EPSTI1: variants seen among roughly 807,000 people sequenced by gnomAD.
The protein encoded by EPSTI1 is epithelial-stromal interaction protein 1.
In EPSTI1, 66 loss-of-function variants were observed where a neutral mutation model predicts 49.9. The observed-to-expected ratio is 1.32, with a 90% CI of 1.08 to 1.62. The LOEUF (loss-of-function observed/expected upper bound fraction) is 1.62. Among genes scored for constraint, EPSTI1 ranks in the 40% most tolerant of loss-of-function variants. The probability of loss-of-function intolerance (pLI) is 0.00; values close to 1 mark genes in which losing one functional copy is unlikely to be tolerated. For synonymous variants in EPSTI1, 137 were observed against 130.7 expected, an observed-to-expected ratio of 1.05 and a Z score of -0.33; for missense variants, 394 against 365.5, an observed-to-expected ratio of 1.08 and a Z score of -0.64.
At chr13:42,981,248 G>A (rs2039981975) in intron 1 of EPSTI1, among the ~76,000 whole-genome samples, 1 of 152,036 alleles carries the variant, frequency 6.6e-6, no homozygotes, top group Admixed American at 6.6e-5. Context: ...TTAAGCTTTT[G>A]TTTCAGATTC....
At chr13:42,967,806 G>A (rs967426847) in intron 3 of EPSTI1, among the ~76,000 whole-genome samples, 16 of 152,046 alleles carry the variant, frequency 1.1e-4, no homozygotes, top group Non-Finnish European at 1.9e-4. Context: ...TACGAACCCC[G>A]AACTCTCTTA....
intron 1 of EPSTI1, among the ~76,000 whole-genome samples, chr13:42,991,671 T>A (rs1317473705): frequency 2.6e-5 from 4 of 152,202 alleles, no homozygotes; most frequent in African/African-American, 9.6e-5. Flanking sequence ...GAAAATGACA[T>A]CTTACTGGAT....
rs544479732 is a variant in EPSTI1, at chr13:42,954,474, C to T, written c.490-453G>A. ...GAGAAGAGATTTTCAGTAAGACAAC[C>T]CAACTCCCTTCTGACTTAGTATCAG... On this transcript the variant is annotated intron_variant, in intron 5 of 10. Coordinates refer to ENST00000313624, the MANE Select transcript of EPSTI1 (RefSeq NM_033255.5). Among the ~76,000 whole-genome samples, 14 of 152,146 alleles carry T rather than the reference C, an allele frequency of 9.2e-5. No individual in the cohort carries two copies. In the South Asian group the frequency reaches 2.9e-3, roughly 32 times the overall value.
In EPSTI1 at chr13:42,907,202, T is replaced by C. The variant is rs757868185; in HGVS notation, c.742-6819A>G. On this transcript the variant is annotated intron_variant, in intron 8 of 10. Coordinates refer to ENST00000313624, the MANE Select transcript of EPSTI1 (RefSeq NM_033255.5). Reference sequence around the variant, plus strand: ...GAATCACAGCTCTATGTCTCCCACCTAAAAATATTTCCTACACAAAATGCA... The same window carrying C: ...GAATCACAGCTCTATGTCTCCCACCCAAAAATATTTCCTACACAAAATGCA... Among the ~76,000 whole-genome samples the C allele has an allele frequency of 2.6e-5, 4 of 152,196 alleles. No individual in the cohort carries two copies. The East Asian group carries it at 7.7e-4, about 29-fold the overall frequency.
At position 42,890,319 on chromosome 13, in the gene EPSTI1, A is replaced by G. The variant is rs147464011; in HGVS notation, c.916-1817T>C. 1.3e-3 allele frequency among the ~76,000 whole-genome samples: 110 copies of G among 87,452 alleles called. No homozygotes were observed. The East Asian group carries it at 0.042, about 34-fold the overall frequency. 57.4% of individuals were successfully genotyped at this position (87,452 alleles called of 152,430 possible). A position where few individuals can be genotyped will look rare whatever the true frequency, so the allele number is the denominator to read the frequency against. On this transcript the variant is annotated intron_variant, in intron 10 of 10. Coordinates refer to ENST00000313624, the MANE Select transcript of EPSTI1 (RefSeq NM_033255.5). ...TTCTTTTTTTTTTTTTTTTTTTGAG[A>G]AAGAGTCTCGCTCTGTCACCCAGGC...
At chr13:42,965,583 G>A (rs1257957463) in intron 3 of EPSTI1, among the ~76,000 whole-genome samples, 1 of 152,204 alleles carries the variant, frequency 6.6e-6, no homozygotes, top group African/African-American at 2.4e-5. Flanking sequence ...GAGGAAAGAT[G>A]TCATTCTGAA....
intron 6 of EPSTI1, among the ~76,000 whole-genome samples, chr13:42,945,190 A>G (rs2038882337): frequency 6.6e-6 from 1 of 152,224 alleles, no homozygotes; most frequent in Non-Finnish European, 1.5e-5. Context: ...GCGAAAAGTG[A>G]AGGAGGAGCA....
At chr13:42,905,066 GCTTTC>G (rs1399104381) in intron 8 of EPSTI1, among the ~76,000 whole-genome samples, 4 of 152,106 alleles carry the variant, frequency 2.6e-5, no homozygotes, top group Non-Finnish European at 5.9e-5. Flanking sequence ...GTTTTCTTAT[GCTTTC>G]CTTTATTTAA....
chr13:42,950,466 C>G (rs1364400341), intron 6 of EPSTI1, among the ~76,000 whole-genome samples: 1 of 152,172 alleles, frequency 6.6e-6, no homozygotes, highest in Non-Finnish European at 1.5e-5. Flanking sequence ...TCAATAAAAG[C>G]CTAGTTTTCT....
At chr13:42,899,687 C>T (rs181256489) in intron 9 of EPSTI1, among the ~76,000 whole-genome samples, 7 of 152,258 alleles carry the variant, frequency 4.6e-5, no homozygotes, top group Admixed American at 6.5e-5. Flanking sequence ...GAACTCAACT[C>T]GTGTCCCCCT....
intron 6 of EPSTI1, among the ~76,000 whole-genome samples, chr13:42,939,996 T>C (rs2038698982): frequency 6.6e-6 from 1 of 152,218 alleles, no homozygotes; most frequent in Non-Finnish European, 1.5e-5. Flanking sequence ...TCTTGCCTTC[T>C]CAAATCTATT....
rs76666847 is a variant in EPSTI1 at position 42,977,319 on chromosome 13, C to T, written c.189-6649G>A. 2.1e-3 allele frequency among the ~76,000 whole-genome samples: 318 copies of T among 152,320 alleles called. 2 individuals carry two copies. Among genetic ancestry groups the T allele is most frequent in the African/African-American group, 7.2e-3 (299 of 41,574 alleles). ...CCTACCCAACATTCACTCTCACTTC[C>T]TCCTTGCTAATAGCACTTCTGTATT... On this transcript the variant is annotated intron_variant, in intron 1 of 10. Coordinates refer to ENST00000313624, the MANE Select transcript of EPSTI1 (RefSeq NM_033255.5).
At chr13:42,937,045 G>A (rs183940197) in intron 6 of EPSTI1, among the ~76,000 whole-genome samples, 304 of 135,248 alleles carry the variant, frequency 2.2e-3, no homozygotes, top group African/African-American at 7.1e-3. Flanking sequence ...TTGTGAGTTT[G>A]GTTCCAGACC....
chr13:42,973,537 A>C (rs1316439846), intron 1 of EPSTI1, among the ~76,000 whole-genome samples: 1 of 152,248 alleles, frequency 6.6e-6, no homozygotes, highest in African/African-American at 2.4e-5. Flanking sequence ...TCTATTTCTT[A>C]ATATAAGAAG....
chr13:42,925,997 A>G (rs1050195921), intron 7 of EPSTI1, among the ~76,000 whole-genome samples: 1 of 152,184 alleles, frequency 6.6e-6, no homozygotes, highest in African/African-American at 2.4e-5. Flanking sequence ...AATTTAAAGA[A>G]TGGAAGGAAG....
chr13:42,899,176 CAA>C (rs1367590622), intron 9 of EPSTI1, among the ~76,000 whole-genome samples: 4 of 141,620 alleles, frequency 2.8e-5, no homozygotes, highest in Admixed American at 7.2e-5. Flanking sequence ...CCCACCTGGG[CAA>C]AAGAGTGAGA....
intron 7 of EPSTI1, among the ~76,000 whole-genome samples, chr13:42,925,975 T>C (rs772401100): frequency 4.3e-4 from 39 of 91,040 alleles, no homozygotes; most frequent in Non-Finnish European, 7.2e-4. Flanking sequence ...GTAGGCCTTA[T>C]ATAGACCTAT....
At chr13:42,986,122 G>A (rs903298003) in intron 1 of EPSTI1, among the ~76,000 whole-genome samples, 2 of 152,232 alleles carry the variant, frequency 1.3e-5, no homozygotes, top group African/African-American at 2.4e-5. Flanking sequence ...TGCAGCACAA[G>A]CCAGCACTCA....
At chr13:42,930,467 A>G (rs77010109) in intron 6 of EPSTI1, among the ~76,000 whole-genome samples, 2,752 of 152,330 alleles carry the variant, frequency 0.018, 63 homozygotes, top group South Asian at 0.099. Flanking sequence ...CACAGAGCCT[A>G]TGTAAGTAAG....
Sources: allele counts gnomAD v4.1 joint callset (sites outside exome capture counted in the v4.1 genomes callset), GRCh38; gene constraint gnomAD v4.1.1; transcripts MANE v1.5; gene names NCBI Gene and HGNC (gene_info 2026-07-23, HGNC 2026-07-21).